Variants in VPS41 observed in about 807,000 individuals in gnomAD.
VPS41 encodes VPS41 subunit of HOPS complex.
In VPS41, 85 loss-of-function variants were observed where a neutral mutation model predicts 130.9. The ratio of observed to expected loss-of-function variants is 0.65; its 90% CI spans 0.55 to 0.78. The LOEUF (loss-of-function observed/expected upper bound fraction) is 0.78, where lower values mean the gene tolerates loss of function less well. Ranked by LOEUF, VPS41 falls within the 30% of genes least tolerant of loss-of-function variation. VPS41 has a pLI of 0.00. For synonymous variants in VPS41, 335 were observed against 332.9 expected, an observed-to-expected ratio of 1.01 and a Z score of -0.07; for missense variants, 874 against 1,018.7, an observed-to-expected ratio of 0.86 and a Z score of 1.93.
chr7:38,856,018 T>C (rs1437846259), intron 4 of VPS41, among the ~76,000 whole-genome samples: 1 of 152,166 alleles, frequency 6.6e-6, no homozygotes, highest in Admixed American at 6.5e-5. Flanking sequence ...CTTCCTGGTT[T>C]GCAGACAGCC....
intron 7 of VPS41, chr7:38,797,071 G>T: frequency 1.8e-6 from 1 of 558,202 alleles, no homozygotes; most frequent in Non-Finnish European, 3.1e-6. Context: ...GTTTAAAATG[G>T]ATGAGTGTTG....
intron 4 of VPS41, among the ~76,000 whole-genome samples, chr7:38,850,517 C>A (rs988925441): frequency 1.3e-5 from 2 of 152,142 alleles, no homozygotes; most frequent in East Asian, 1.9e-4. Flanking sequence ...AACGAGTGTA[C>A]AAGCAAATGA....
chr7:38,907,257 A>T (rs1045615706), intron 1 of VPS41, among the ~76,000 whole-genome samples: 1 of 152,200 alleles, frequency 6.6e-6, no homozygotes, highest in Non-Finnish European at 1.5e-5. Context: ...CTCAAAAAGG[A>T]ACAGCATGAG....
In VPS41 at chr7:38,752,184, G is replaced by A. The variant is rs1313648115; in HGVS notation, c.1918C>T (p.Leu640Phe). 1 of 1,613,858 alleles carries A rather than the reference G, an allele frequency of 6.2e-7. No individual in the cohort carries two copies. The highest frequency in any genetic ancestry group is 8.5e-7 in the Non-Finnish European group (1 of 1,179,804). ...GGGAGTCTGTGCCTTACCTTTTCAA[G>A]TGGGCAATGGGTACTGTCTCGGAGA... is the stretch of plus-strand genomic sequence containing the variant. ...PFLRDSTHCP[L>F]EKALEICQQR... The change falls in exon 22 of 29, where the codon CTT becomes TTT. Residue 640 changes from leucine (L) to phenylalanine (F), a missense_variant. Leu to Phe is a conservative substitution (Grantham distance 22). Transcript: ENST00000310301.
At chr7:38,888,265 A>G (rs1238005941) in intron 2 of VPS41, among the ~76,000 whole-genome samples, 1 of 152,224 alleles carries the variant, frequency 6.6e-6, no homozygotes, top group African/African-American at 2.4e-5. Flanking sequence ...ATTGGTGTGC[A>G]GTATTCAGGA....
chr7:38,804,476 T>C (rs111751730), intron 7 of VPS41, among the ~76,000 whole-genome samples: 1 of 152,256 alleles, frequency 6.6e-6, no homozygotes, highest in African/African-American at 2.4e-5. Context: ...ACTTTGGACA[T>C]GCCCTTGCAG....
chr7:38,805,844 A>G (rs1784830099), intron 7 of VPS41, among the ~76,000 whole-genome samples: 1 of 152,220 alleles, frequency 6.6e-6, no homozygotes, highest in Non-Finnish European at 1.5e-5. Flanking sequence ...CCCTGGGAAC[A>G]ACAATAATTA....
rs150071736 is a variant in VPS41 at position 38,792,293 on chromosome 7, G to T, written c.718-2426C>A. 2.4e-3 allele frequency among the ~76,000 whole-genome samples: 366 copies of T among 152,260 alleles called. 1 individual carries two copies. The highest frequency in any genetic ancestry group is 8.0e-3 in the African/African-American group (334 of 41,548). On this transcript the variant is annotated intron_variant, in intron 9 of 28. Coordinates refer to ENST00000310301, the MANE Select transcript of VPS41 (RefSeq NM_014396.4). ...AAGAGCCCTTTACCACTGATAGGTG[G>T]GTTCTTGCCCATGAACTCTAATCTG...
chr7:38,821,655 C>T (rs1251478701), intron 5 of VPS41, among the ~76,000 whole-genome samples: 3 of 134,798 alleles, frequency 2.2e-5, no homozygotes, highest in Admixed American at 8.8e-5. Flanking sequence ...TGCAGAGAGC[C>T]GAGATTGCGC....
At chr7:38,801,029 C>T (rs1322647001) in intron 7 of VPS41, among the ~76,000 whole-genome samples, 1 of 152,204 alleles carries the variant, frequency 6.6e-6, no homozygotes, top group Non-Finnish European at 1.5e-5. Context: ...CCAATGGACC[C>T]TTTCTGTTAT....
intron 1 of VPS41, among the ~76,000 whole-genome samples, chr7:38,905,923 A>G (rs904204520): frequency 6.6e-6 from 1 of 151,580 alleles, no homozygotes; most frequent in African/African-American, 2.4e-5. Flanking sequence ...CCTCCCGAGT[A>G]GCTGGGATTA....
intron 4 of VPS41, among the ~76,000 whole-genome samples, chr7:38,837,590 T>C (rs899934220): frequency 5.3e-5 from 8 of 152,208 alleles, no homozygotes; most frequent in African/African-American, 1.9e-4. Context: ...TCTGTGAGTC[T>C]CCTACCCATC....
intron 4 of VPS41, among the ~76,000 whole-genome samples, chr7:38,845,267 A>T (rs1785699393): frequency 6.6e-6 from 1 of 152,236 alleles, no homozygotes; most frequent in Non-Finnish European, 1.5e-5. Context: ...TAAAAGGAAA[A>T]AAACAGGCTT....
At chr7:38,743,085 AAC>A (rs869143225) in intron 24 of VPS41, among the ~76,000 whole-genome samples, 1 of 32,972 alleles carries the variant, frequency 3.0e-5, no homozygotes. Context: ...AACAAAAAAA[AAC>A]CACACCAACA....
chr7:38,814,101 T>C (rs1415737186), intron 7 of VPS41, among the ~76,000 whole-genome samples: 4 of 152,340 alleles, frequency 2.6e-5, no homozygotes, highest in Non-Finnish European at 1.5e-5. Context: ...TACTCTGTTG[T>C]TCCTGCACTG....
At chr7:38,804,927 G>A (rs980346752) in intron 7 of VPS41, among the ~76,000 whole-genome samples, 1 of 152,194 alleles carries the variant, frequency 6.6e-6, no homozygotes, top group Non-Finnish European at 1.5e-5. Flanking sequence ...TACCAAACAC[G>A]TTGAGTCTGT....
At chr7:38,898,553 G>C (rs1787066050) in intron 1 of VPS41, among the ~76,000 whole-genome samples, 1 of 152,176 alleles carries the variant, frequency 6.6e-6, no homozygotes, top group Non-Finnish European at 1.5e-5. Flanking sequence ...ATCTGGTTGA[G>C]TTAAAATGAC....
intron 22 of VPS41, among the ~76,000 whole-genome samples, chr7:38,751,330 C>A (rs1783668726): frequency 6.6e-6 from 1 of 152,122 alleles, no homozygotes; most frequent in Non-Finnish European, 1.5e-5. Flanking sequence ...AAGTATCTGG[C>A]CATCCAAATT....
At chr7:38,820,903 C>A (rs534284655) in intron 6 of VPS41, among the ~76,000 whole-genome samples, 1 of 152,204 alleles carries the variant, frequency 6.6e-6, no homozygotes, top group East Asian at 1.9e-4. Flanking sequence ...ATTATTCCTA[C>A]CTCTTTGAGT....
Sources: gnomAD v4.1 joint callset for allele counts (sites outside exome capture counted in the v4.1 genomes callset) on GRCh38, gnomAD v4.1.1 for gene constraint, MANE v1.5 for transcripts, NCBI Gene and HGNC (gene_info 2026-07-23, HGNC 2026-07-21) for gene names.